The following PTPRD variants were observed in gnomAD, a reference collection of about 807,000 sequenced individuals.
The protein encoded by PTPRD is receptor-type tyrosine-protein phosphatase delta.
Under a neutral mutation model 214.5 loss-of-function variants are expected in PTPRD, and 34 were observed. That is an observed-to-expected ratio of 0.16 (90% confidence interval 0.12 to 0.21). The LOEUF (loss-of-function observed/expected upper bound fraction) is 0.21, where lower values mean the gene tolerates loss of function less well. Ranked by LOEUF, PTPRD falls within the 10% of genes least tolerant of loss-of-function variation. The pLI, the probability that PTPRD is intolerant of heterozygous loss-of-function variation, is 1.00. For synonymous variants in PTPRD, 1,128 were observed against 845.7 expected, an observed-to-expected ratio of 1.33 and a Z score of -5.79; for missense variants, 2,545 against 2,398.7, an observed-to-expected ratio of 1.06 and a Z score of -1.27.
chr9:9,290,436 A>G (rs1033437051), intron 9 of PTPRD, among the ~76,000 whole-genome samples: 6 of 151,464 alleles, frequency 4.0e-5, no homozygotes, highest in Non-Finnish European at 5.9e-5. Context: ...GTTTTTCTTT[A>G]CTATGCAGAC....
intron 11 of PTPRD, among the ~76,000 whole-genome samples, chr9:8,945,296 T>C (rs2099056995): frequency 6.6e-6 from 1 of 151,636 alleles, no homozygotes; most frequent in African/African-American, 2.4e-5. Flanking sequence ...AATAGGTTTC[T>C]TTATTTAGAA....
chr9:9,331,694 A>C (rs1343935491), intron 9 of PTPRD, among the ~76,000 whole-genome samples: 1 of 152,086 alleles, frequency 6.6e-6, no homozygotes, highest in Non-Finnish European at 1.5e-5. Flanking sequence ...CATTTACAGA[A>C]TAGAAGTCTC....
intron 7 of PTPRD, among the ~76,000 whole-genome samples, chr9:9,666,268 T>G (rs2096720107): frequency 1.3e-5 from 2 of 151,986 alleles, no homozygotes; most frequent in South Asian, 4.1e-4. Flanking sequence ...TCCTGTACAG[T>G]AATTCAAAAG....
chr9:9,829,389 A>T (rs192782764), intron 5 of PTPRD, among the ~76,000 whole-genome samples: 43 of 151,974 alleles, frequency 2.8e-4, no homozygotes, highest in African/African-American at 9.9e-4. Flanking sequence ...TTTATAGTGA[A>T]ATCTGTAATA....
rs1186979909 is a variant in PTPRD, at chr9:8,493,845, A to C, written c.2350-866T>G. 2.6e-5 allele frequency among the ~76,000 whole-genome samples: 4 copies of C among 152,164 alleles called. No homozygotes were observed. The East Asian group carries it at 7.7e-4, about 29-fold the overall frequency. Reference sequence around the variant, plus strand: ...AAAGCTGTGGTGGTTATAAGACCAGATGCTCTTTGATATATTCCTTTAAAC... The same window carrying C: ...AAAGCTGTGGTGGTTATAAGACCAGCTGCTCTTTGATATATTCCTTTAAAC... On this transcript the variant is annotated intron_variant, in intron 26 of 45. Transcript: ENST00000381196.
chr9:9,776,753 T>A (rs2098801520), intron 5 of PTPRD, among the ~76,000 whole-genome samples: 1 of 152,158 alleles, frequency 6.6e-6, no homozygotes, highest in African/African-American at 2.4e-5. Flanking sequence ...AAACCTTAAA[T>A]TGAAAACAAA....
chr9:9,768,520 G>A (rs1261273995), intron 5 of PTPRD, among the ~76,000 whole-genome samples: 1 of 152,062 alleles, frequency 6.6e-6, no homozygotes, highest in Non-Finnish European at 1.5e-5. Flanking sequence ...AAGTATGGAT[G>A]ATAAACTTTA....
intron 9 of PTPRD, among the ~76,000 whole-genome samples, chr9:9,282,814 G>A (rs1199160920): frequency 1.3e-5 from 2 of 151,490 alleles, no homozygotes; most frequent in Non-Finnish European, 3.0e-5. Flanking sequence ...CTAATAAACT[G>A]TTCAAGATTA....
At chr9:9,021,673 G>C (rs544643449) in intron 10 of PTPRD, among the ~76,000 whole-genome samples, 26 of 152,190 alleles carry the variant, frequency 1.7e-4, no homozygotes, top group African/African-American at 6.3e-4. Flanking sequence ...ACAAGATGTA[G>C]ATGTGGAAGA....
chr9:9,061,756 G>C (rs2099707845), intron 10 of PTPRD, among the ~76,000 whole-genome samples: 1 of 152,120 alleles, frequency 6.6e-6, no homozygotes, highest in Non-Finnish European at 1.5e-5. Context: ...CGAGGGCCTT[G>C]GGACCCAGTG....
intron 8 of PTPRD, among the ~76,000 whole-genome samples, chr9:9,558,331 A>G (rs1275964380): frequency 6.6e-6 from 1 of 152,152 alleles, no homozygotes; most frequent in Non-Finnish European, 1.5e-5. Context: ...TGTGCTCTAA[A>G]CTCACTGAGT....
At chr9:10,001,248 G>T (rs1016921224) in intron 4 of PTPRD, among the ~76,000 whole-genome samples, 1 of 151,898 alleles carries the variant, frequency 6.6e-6, no homozygotes, top group Non-Finnish European at 1.5e-5. Context: ...AAAGAATAAA[G>T]AAAAATGAAC....
intron 11 of PTPRD, among the ~76,000 whole-genome samples, chr9:8,913,647 C>T (rs1192668196): frequency 6.6e-6 from 1 of 152,112 alleles, no homozygotes; most frequent in African/African-American, 2.4e-5. Context: ...GAATGAGCTT[C>T]TTATTAAGGC....
intron 9 of PTPRD, among the ~76,000 whole-genome samples, chr9:9,285,033 T>C (rs1474117410): frequency 1.3e-5 from 2 of 151,788 alleles, no homozygotes; most frequent in African/African-American, 4.8e-5. Context: ...TAAATTTTCA[T>C]GAATAGGCCT....
intron 27 of PTPRD, among the ~76,000 whole-genome samples, chr9:8,487,811 AAAACAAACAAAC>A (rs67229240): frequency 2.6e-5 from 4 of 151,082 alleles, no homozygotes; most frequent in Non-Finnish European, 5.9e-5. Context: ...TTCCGTCTCA[AAAACAAACAAAC>A]AAACAAACAA....
At chr9:10,566,774 C>G (rs1181444681) in intron 2 of PTPRD, among the ~76,000 whole-genome samples, 1 of 151,930 alleles carries the variant, frequency 6.6e-6, no homozygotes, top group Non-Finnish European at 1.5e-5. Context: ...CATGAAGATA[C>G]TCTCATAGCA....
intron 11 of PTPRD, among the ~76,000 whole-genome samples, chr9:8,866,494 A>G (rs1283115891): frequency 2.0e-5 from 3 of 152,150 alleles, no homozygotes; most frequent in East Asian, 1.9e-4. Flanking sequence ...ATAAAACACA[A>G]GTTGATTATG....
intron 3 of PTPRD, among the ~76,000 whole-genome samples, chr9:10,148,844 T>C (rs1028564066): frequency 6.6e-6 from 1 of 152,198 alleles, no homozygotes; most frequent in Non-Finnish European, 1.5e-5. Flanking sequence ...TGAGCCCTAC[T>C]ATCTCAGACA....
intron 2 of PTPRD, among the ~76,000 whole-genome samples, chr9:10,345,620 T>G (rs531874697): frequency 1.3e-5 from 2 of 152,238 alleles, no homozygotes; most frequent in Non-Finnish European, 2.9e-5. Context: ...CTACACAGTA[T>G]TCCACGGTGT....
Sources: gnomAD v4.1 joint callset for allele counts (sites outside exome capture counted in the v4.1 genomes callset) on GRCh38, gnomAD v4.1.1 for gene constraint, MANE v1.5 for transcripts, NCBI Gene and HGNC (gene_info 2026-07-23, HGNC 2026-07-21) for gene names.